Variants in TAF1B observed in about 807,000 individuals in gnomAD.
TAF1B encodes the protein TATA-box binding protein associated factor, RNA polymerase I subunit B.
A neutral mutation model predicts 83.9 loss-of-function variants in TAF1B; 61 were observed. The ratio of observed to expected loss-of-function variants is 0.73; its 90% confidence interval spans 0.59 to 0.90. The LOEUF (loss-of-function observed/expected upper bound fraction) is 0.90. Among genes scored for constraint, TAF1B ranks in the 40% least tolerant of loss-of-function variants. TAF1B has a pLI of 0.00. For missense variants in TAF1B, 625 were observed against 677.0 expected, an observed-to-expected ratio of 0.92 and a Z score of 0.85; for synonymous variants, 221 against 224.6, an observed-to-expected ratio of 0.98 and a Z score of 0.14.
At chr2:9,888,222 T>C (rs919938145) in intron 8 of TAF1B, among the ~76,000 whole-genome samples, 3 of 152,176 alleles carry the variant, frequency 2.0e-5, no homozygotes, top group Non-Finnish European at 4.4e-5. Flanking sequence ...ATTACTTGTA[T>C]AGAGTAAGAC....
At chr2:9,851,010 C>T (rs1351752035) in intron 3 of TAF1B, among the ~76,000 whole-genome samples, 1 of 152,158 alleles carries the variant, frequency 6.6e-6, no homozygotes, top group African/African-American at 2.4e-5. Context: ...CTTTTCTATA[C>T]TCCGGTATCA....
intron 5 of TAF1B, among the ~76,000 whole-genome samples, chr2:9,862,111 G>A (rs1446898020): frequency 2.0e-5 from 3 of 152,110 alleles, no homozygotes; most frequent in Non-Finnish European, 2.9e-5. Context: ...TTGACGAGTC[G>A]AGAGAAGAAG....
rs1253824051 is a variant in TAF1B at position 9,914,627 on chromosome 2, A to G, written c.1271+1378A>G. Among the ~76,000 whole-genome samples the G allele has an allele frequency of 6.6e-6, 1 of 152,204 alleles. No homozygotes were observed. The highest frequency in any genetic ancestry group is 1.5e-5 in the Non-Finnish European group (1 of 68,030). On this transcript the variant is annotated intron_variant, in intron 12 of 14. Transcript: ENST00000263663. The surrounding 1 kb of genome is among the most constrained non-coding windows in gnomAD (Gnocchi z 4.3). ...TATTGCAGTGTTATGTCAGTTGCAC[A>G]TTTAAGACTTACCGGCTTTTAGCTA...
At chr2:9,889,659 G>A (rs1664803906) in intron 8 of TAF1B, among the ~76,000 whole-genome samples, 1 of 152,124 alleles carries the variant, frequency 6.6e-6, no homozygotes, top group African/African-American at 2.4e-5. Flanking sequence ...TGCAATCATT[G>A]TAATTTTTAT....
chr2:9,934,052 C>T lies in TAF1B; in HGVS notation c.*68C>T. ...ATAATAACATCAGATTTTAATATAA[C>T]ATTCCAGAGAATTGTGGAAAATACT... is the stretch of plus-strand genomic sequence containing the variant. On this transcript the variant is annotated 3_prime_UTR_variant, in exon 15 of 15. Transcript: ENST00000263663. The T allele has an allele frequency of 1.6e-6, 2 of 1,271,216 alleles. No homozygotes were observed. Among genetic ancestry groups the T allele is most frequent in the Non-Finnish European group, 2.2e-6 (2 of 924,744 alleles). The allele number at this position is 1,271,216 out of a possible 1,614,324, so 78.7% of individuals were successfully genotyped here.
intron 5 of TAF1B, among the ~76,000 whole-genome samples, chr2:9,855,502 G>T (rs909493154): frequency 6.6e-6 from 1 of 152,030 alleles, no homozygotes; most frequent in Non-Finnish European, 1.5e-5. Flanking sequence ...AACATAATGA[G>T]ACCCCAACTC....
intron 11 of TAF1B, 92 bp downstream of exon 11, chr2:9,911,649 C>G (rs1665537755): frequency 2.7e-6 from 2 of 752,616 alleles, no homozygotes; most frequent in Middle Eastern, 5.6e-4. Flanking sequence ...TTGAAAAATA[C>G]ACATATACAC....
At chr2:9,857,694 G>C (rs570787112) in intron 5 of TAF1B, among the ~76,000 whole-genome samples, 20 of 152,328 alleles carry the variant, frequency 1.3e-4, no homozygotes, top group Middle Eastern at 3.4e-3. Context: ...CCGAAGGAGA[G>C]GGGAAGTAAG....
At chr2:9,907,213 A>G (rs1049503449) in intron 9 of TAF1B, among the ~76,000 whole-genome samples, 6 of 151,520 alleles carry the variant, frequency 4.0e-5, no homozygotes, top group African/African-American at 1.5e-4. Flanking sequence ...TTAACAAAAA[A>G]TAGATCTACA....
intron 5 of TAF1B, among the ~76,000 whole-genome samples, chr2:9,860,546 G>A (rs945508719): frequency 3.3e-5 from 5 of 152,164 alleles, no homozygotes; most frequent in African/African-American, 1.2e-4. Context: ...AAGACCGGAT[G>A]ACATCACCAA....
At chr2:9,887,155 C>G (rs1476421986) in intron 8 of TAF1B, among the ~76,000 whole-genome samples, 1 of 152,164 alleles carries the variant, frequency 6.6e-6, no homozygotes, top group Non-Finnish European at 1.5e-5. Context: ...GACGGCAATT[C>G]ACAGTTTCAA....
intron 5 of TAF1B, among the ~76,000 whole-genome samples, chr2:9,859,814 G>T (rs2125140326): frequency 6.6e-6 from 1 of 152,234 alleles, no homozygotes; most frequent in African/African-American, 2.4e-5. Context: ...TTCCAAAGTT[G>T]CTTCCACATT....
intron 8 of TAF1B, among the ~76,000 whole-genome samples, chr2:9,903,017 T>C (rs1665228685): frequency 6.6e-6 from 1 of 152,222 alleles, no homozygotes; most frequent in African/African-American, 2.4e-5. Flanking sequence ...GATTATCTTA[T>C]TCATGTTTTT....
At chr2:9,865,777 T>G (rs1370588493) in intron 5 of TAF1B, among the ~76,000 whole-genome samples, 1 of 151,590 alleles carries the variant, frequency 6.6e-6, no homozygotes, top group Non-Finnish European at 1.5e-5. Flanking sequence ...TCAGAAATAA[T>G]GCTGCATATC....
chr2:9,864,635 A>G (rs1663900392), intron 5 of TAF1B, among the ~76,000 whole-genome samples: 1 of 152,174 alleles, frequency 6.6e-6, no homozygotes, highest in African/African-American at 2.4e-5. Context: ...AGACACAACA[A>G]AAAAAGAGAA....
At chr2:9,856,887 T>G (rs566543418) in intron 5 of TAF1B, among the ~76,000 whole-genome samples, 4 of 152,360 alleles carry the variant, frequency 2.6e-5, no homozygotes, top group Admixed American at 2.6e-4. Context: ...AAACAATTAC[T>G]TTTAATTAGA....
chr2:9,861,699 T>C (rs1254815211), intron 5 of TAF1B, among the ~76,000 whole-genome samples: 1 of 152,164 alleles, frequency 6.6e-6, no homozygotes, highest in Non-Finnish European at 1.5e-5. Context: ...CACCCCCCAG[T>C]AGGGGCAGTC....
At chr2:9,894,617 T>C (rs421030) in intron 8 of TAF1B, among the ~76,000 whole-genome samples, 43,020 of 152,030 alleles carry the variant, frequency 0.28, 6,968 homozygotes, top group Middle Eastern at 0.4. Flanking sequence ...TCATGTTTGC[T>C]AAGTGAAGCT....
chr2:9,875,744 T>C, intron 6 of TAF1B, 121 bp from the exon 7 acceptor site: 1 of 992,954 alleles, frequency 1.0e-6, no homozygotes, highest in Non-Finnish European at 1.4e-6. Flanking sequence ...AGATGAGATT[T>C]GGGTGAGGAC....
Sources: gnomAD v4.1 joint callset for allele counts (sites outside exome capture counted in the v4.1 genomes callset) on GRCh38, gnomAD v4.1.1 for gene constraint, Gnocchi (gnomAD v3.1) non-coding constraint, MANE v1.5 for transcripts, NCBI Gene and HGNC (gene_info 2026-07-23, HGNC 2026-07-21) for gene names.